CTSB: variants seen among roughly 807,000 people sequenced by gnomAD.
CTSB encodes the protein APP secretase.
A neutral mutation model predicts 44.3 loss-of-function variants in CTSB; 57 were observed. The ratio of observed to expected loss-of-function variants is 1.29; its 90% CI spans 1.04 to 1.60. The LOEUF (loss-of-function observed/expected upper bound fraction) is 1.60, where lower values mean the gene tolerates loss of function less well. Ranked by LOEUF, CTSB falls within the 40% of genes most tolerant of loss-of-function variation. The pLI is 0.00. For missense variants in CTSB, 768 were observed against 443.0 expected, an observed-to-expected ratio of 1.73 and a Z score of -6.59; for synonymous variants, 320 against 168.0, an observed-to-expected ratio of 1.91 and a Z score of -7.00.
intron 3 of CTSB, among the ~76,000 whole-genome samples, chr8:11,852,016 C>T (rs1814674846): frequency 6.6e-6 from 1 of 152,168 alleles, no homozygotes; most frequent in African/African-American, 2.4e-5. Flanking sequence ...ATTGAGTCTG[C>T]CCACATAGTG....
chr8:11,850,439 A>G (rs951589070), intron 4 of CTSB, among the ~76,000 whole-genome samples: 8 of 53,626 alleles, frequency 1.5e-4, no homozygotes, highest in Non-Finnish European at 2.7e-4. Flanking sequence ...AAAAAAAAAA[A>G]AAGAAAGAAA....
intron 7 of CTSB, among the ~76,000 whole-genome samples, chr8:11,847,433 C>G (rs982061691): frequency 6.6e-6 from 1 of 152,188 alleles, no homozygotes; most frequent in African/African-American, 2.4e-5. Flanking sequence ...ACACGCCACT[C>G]CCTTGTAAAA....
chr8:11,856,989 T>C (rs1263806537), intron 1 of CTSB, among the ~76,000 whole-genome samples: 2 of 152,170 alleles, frequency 1.3e-5, no homozygotes, highest in Non-Finnish European at 2.9e-5. Context: ...CCTCAGAGCA[T>C]TTCCAATTTG....
intron 4 of CTSB, 109 bp downstream of exon 4, chr8:11,850,757 T>C (rs1814437813): frequency 9.1e-6 from 6 of 662,544 alleles, no homozygotes; most frequent in African/African-American, 1.8e-5. Flanking sequence ...CTCAGAAAGT[T>C]TCTATAACTT....
At chr8:11,852,551 C>A in intron 3 of CTSB, 59 bp downstream of exon 3, 1 of 1,437,886 alleles carries the variant, frequency 7.0e-7, no homozygotes, top group African/African-American at 1.4e-5. Flanking sequence ...CCACTTCCCA[C>A]TGCCCCAAAC....
At chr8:11,855,148 G>A (rs1295610843) in intron 1 of CTSB, among the ~76,000 whole-genome samples, 4 of 152,050 alleles carry the variant, frequency 2.6e-5, no homozygotes, top group African/African-American at 7.2e-5. Context: ...TCAGCTTCCC[G>A]AGCAGCGGGA....
At position 11,842,840 on chromosome 8, in the gene CTSB, T is replaced by G. The variant is rs1044884119; in HGVS notation, c.*2285A>C. ...TAGTAGAGATGGGGTTTCACCGTGTTGCCAAGGCTGATCTCAAAACTCCTG... is the reference window on the plus strand; with the variant it reads ...TAGTAGAGATGGGGTTTCACCGTGTGGCCAAGGCTGATCTCAAAACTCCTG... On this transcript the variant is annotated 3_prime_UTR_variant, in exon 10 of 10. Coordinates refer to ENST00000353047, the MANE Select transcript of CTSB (RefSeq NM_001908.5). The G allele has an allele frequency of 6.6e-6, 1 of 151,432 alleles. No individual in the cohort carries two copies. Among genetic ancestry groups the G allele is most frequent in the African/African-American group, 2.4e-5 (1 of 41,074 alleles). The allele number at this position is 151,432 out of a possible 1,614,324, so 9.4% of individuals were successfully genotyped here.
intron 1 of CTSB, chr8:11,861,363 G>C (rs953920158): frequency 6.6e-6 from 1 of 152,432 alleles, no homozygotes; most frequent in African/African-American, 2.4e-5. Context: ...TCCCTCACCT[G>C]AACCAGGTTG....
At position 11,850,869 on chromosome 8, in the gene CTSB, G is replaced by T; in HGVS notation, c.324C>A (p.Cys108Ter). ...CCGCCAGCCAGCAGGGCCTTACCCA[G>T]CAGGAGCCACAGGAGCCCTGGTCTC... ...EIRDQGSCGS[C>*]WAFGAVEAIS... Residue 108 changes from cysteine (C) to a stop codon, truncating the protein, a stop_gained, in exon 4 of 10, where the codon TGC (cysteine) becomes TGA (stop). Transcript: ENST00000353047. LOFTEE classifies it high-confidence loss of function. 1 of 1,610,862 alleles carries T rather than the reference G, an allele frequency of 6.2e-7. No individual in the cohort carries two copies. The highest frequency in any genetic ancestry group is 8.5e-7 in the Non-Finnish European group (1 of 1,177,618).
intron 3 of CTSB, 100 bp downstream of exon 3, chr8:11,852,510 C>T: frequency 2.4e-6 from 2 of 825,566 alleles, no homozygotes; most frequent in East Asian, 2.7e-5. Context: ...GCAGCATGAG[C>T]CCTGCGGACG....
At chr8:11,865,297 C>A (rs145958781) in intron 1 of CTSB, among the ~76,000 whole-genome samples, 266 of 152,266 alleles carry the variant, frequency 1.7e-3, no homozygotes, top group African/African-American at 6.2e-3. Flanking sequence ...GTAATCCCAG[C>A]GCTTTGGGAG....
In CTSB at chr8:11,848,283, C is replaced by G. The variant is rs1326049537; in HGVS notation, c.447-131G>C. The G allele has an allele frequency of 3.9e-6, 3 of 774,136 alleles. No individual in the cohort carries two copies. The African/African-American group carries it at 5.1e-5, about 13-fold the overall frequency. The allele number at this position is 774,136 out of a possible 1,614,324, so 48.0% of individuals were successfully genotyped here. A position where few individuals can be genotyped will look rare whatever the true frequency, so the allele number is the denominator to read the frequency against. ...GCTGCAGCAAGTGGTGCGAGCAGAC[C>G]TCCCAGACCCCAAACCCTCCAAGGG... On this transcript the variant is annotated intron_variant, in intron 5 of 9. Coordinates refer to ENST00000353047, the MANE Select transcript of CTSB (RefSeq NM_001908.5).
Position 11,846,035 on chromosome 8 carries a change from G to C in CTSB, c.794-246C>G, listed in dbSNP as rs571521724. Reference sequence around the variant, plus strand: ...AGATTCCTACAAAATGTGCTTGTTGGCTTTAAAAATAGAATTTCTAATACA... The same window carrying C: ...AGATTCCTACAAAATGTGCTTGTTGCCTTTAAAAATAGAATTTCTAATACA... On this transcript the variant is annotated intron_variant, in intron 8 of 9. Coordinates refer to ENST00000353047, the MANE Select transcript of CTSB (RefSeq NM_001908.5). The C allele has an allele frequency of 2.0e-5, 7 of 343,080 alleles. No individual in the cohort carries two copies. In the East Asian group the frequency reaches 2.5e-4, roughly 12 times the overall value. The allele number at this position is 343,080 out of a possible 1,614,324, so 21.3% of individuals were successfully genotyped here. A position where few individuals can be genotyped will look rare whatever the true frequency, so the allele number is the denominator to read the frequency against.
intron 1 of CTSB, among the ~76,000 whole-genome samples, chr8:11,855,134 T>C (rs1183621699): frequency 6.6e-6 from 1 of 152,194 alleles, no homozygotes; most frequent in Non-Finnish European, 1.5e-5. Flanking sequence ...GCTATTCTCC[T>C]ACCTCAGCTT....
chr8:11,866,458 C>T (rs904370438), intron 1 of CTSB, among the ~76,000 whole-genome samples: 2 of 152,256 alleles, frequency 1.3e-5, no homozygotes, highest in South Asian at 4.1e-4. Flanking sequence ...TGACCAAAGA[C>T]GAAGGGAAGC....
At chr8:11,851,572 T>C (rs1462257361) in intron 3 of CTSB, among the ~76,000 whole-genome samples, 1 of 152,182 alleles carries the variant, frequency 6.6e-6, no homozygotes, top group Non-Finnish European at 1.5e-5. Context: ...ATAAACTCAT[T>C]TTTAAATAAG....
At chr8:11,845,637 G>A (rs370569912) in intron 9 of CTSB, 24 bp downstream of exon 9, 1 of 1,608,774 alleles carries the variant, frequency 6.2e-7, no homozygotes, top group South Asian at 1.1e-5. Context: ...CACTGTTCTT[G>A]GCAGGAAGGG....
chr8:11,850,749 CAG>C (rs1004907248), intron 4 of CTSB, 115 bp downstream of exon 4: 7 of 630,034 alleles, frequency 1.1e-5, no homozygotes, highest in Admixed American at 5.6e-5. Context: ...AACTGGGACT[CAG>C]AAAGTTTCTA....
chr8:11,848,791 TCCA>T, intron 5 of CTSB: 1 of 398,088 alleles, frequency 2.5e-6, no homozygotes, highest in South Asian at 2.6e-5. Flanking sequence ...GGCCAGACAT[TCCA>T]CCACATTTTC....
Sources: gnomAD v4.1 joint callset for allele counts (sites outside exome capture counted in the v4.1 genomes callset) on GRCh38, gnomAD v4.1.1 for gene constraint, MANE v1.5 for transcripts, NCBI Gene and HGNC (gene_info 2026-07-23, HGNC 2026-07-21) for gene names.